Variants in VPS41 observed in about 807,000 individuals in gnomAD.
The protein encoded by VPS41 is vacuolar protein sorting-associated protein 41 homolog.
VPS41 carries 85 observed loss-of-function variants against 130.9 expected under a neutral mutation model. The ratio of observed to expected loss-of-function variants is 0.65; its 90% CI spans 0.55 to 0.78. The LOEUF is 0.78. VPS41 is among the 30% of genes least tolerant of loss of function. VPS41 has a pLI of 0.00. For missense variants in VPS41, 874 were observed against 1,018.7 expected, an observed-to-expected ratio of 0.86 and a Z score of 1.93; for synonymous variants, 335 against 332.9, an observed-to-expected ratio of 1.01 and a Z score of -0.07.
chr7:38,805,520 A>T (rs946683450), intron 7 of VPS41, among the ~76,000 whole-genome samples: 3 of 151,880 alleles, frequency 2.0e-5, no homozygotes, highest in African/African-American at 7.3e-5. Flanking sequence ...CAACAGAGTG[A>T]GAGTCTGTCT....
chr7:38,741,916 C>A (rs1272106318), intron 25 of VPS41, 69 bp downstream of exon 25: 11 of 1,559,700 alleles, frequency 7.1e-6, no homozygotes, highest in Admixed American at 3.8e-5. Flanking sequence ...TAACATAAAC[C>A]CTAGAAATAT....
chr7:38,745,220 T>G (rs1795963578), intron 23 of VPS41, among the ~76,000 whole-genome samples: 1 of 152,232 alleles, frequency 6.6e-6, no homozygotes, highest in African/African-American at 2.4e-5. Flanking sequence ...GATTATTTAT[T>G]TTCTACCAAT....
chr7:38,730,758 T>C (rs934831186), intron 25 of VPS41, among the ~76,000 whole-genome samples: 1 of 151,548 alleles, frequency 6.6e-6, no homozygotes, highest in African/African-American at 2.4e-5. Context: ...AACTTAAGAG[T>C]AATGGTTTCA....
At chr7:38,786,691 A>C (rs1784444549) in intron 10 of VPS41, among the ~76,000 whole-genome samples, 1 of 152,248 alleles carries the variant, frequency 6.6e-6, no homozygotes, top group Non-Finnish European at 1.5e-5. Flanking sequence ...ACAGAAATTT[A>C]TACTGAACTA....
chr7:38,803,519 G>C (rs903321302), intron 7 of VPS41, among the ~76,000 whole-genome samples: 5 of 152,200 alleles, frequency 3.3e-5, no homozygotes, highest in African/African-American at 9.6e-5. Context: ...TGCTACGTCA[G>C]GAAGGTGCAG....
chr7:38,774,629 T>TA (rs960299116), intron 11 of VPS41, among the ~76,000 whole-genome samples: 3 of 151,828 alleles, frequency 2.0e-5, no homozygotes, highest in Non-Finnish European at 4.4e-5. Context: ...AATAGCAAAA[T>TA]AAAAAAATAT....
chr7:38,817,878 A>C lies in VPS41; in HGVS notation c.389T>G (p.Ile130Ser). ...TCTCACGAAATGTGGGTGCACAGCAATAATCTACAAGAGAAACAGAACCCA... is the reference window on the plus strand; with the variant it reads ...TCTCACGAAATGTGGGTGCACAGCACTAATCTACAAGAGAAACAGAACCCA... ...HETFDCPIKI[I>S]AVHPHFVRSS... Residue 130 changes from isoleucine (I) to serine (S), a missense_variant, in exon 7 of 29, where the codon ATT becomes AGT. Ile to Ser is a moderately radical substitution (Grantham distance 142, BLOSUM62 -2). Coordinates refer to ENST00000310301, the MANE Select transcript of VPS41 (RefSeq NM_014396.4). 6.2e-7 allele frequency: 1 copy of C among 1,613,978 alleles called. No homozygotes were observed. Among genetic ancestry groups the C allele is most frequent in the Non-Finnish European group, 8.5e-7 (1 of 1,179,934 alleles).
chr7:38,882,419 G>A (rs150210492), intron 2 of VPS41, among the ~76,000 whole-genome samples: 129 of 152,234 alleles, frequency 8.5e-4, no homozygotes, highest in African/African-American at 3.0e-3. Flanking sequence ...CCAGGAATCA[G>A]GCCTCTTTAT....
Position 38,869,270 on chromosome 7 carries a change from GA to G in VPS41, c.61-18del. On this transcript the variant is annotated intron_variant, in intron 2 of 28. Transcript: ENST00000310301. Reference sequence around the variant, plus strand: ...CTCTTCTTCCTGCACAAACGGCAAAGAAAAATGACACCCGTCAGAGATTTAT... The same window carrying G: ...CTCTTCTTCCTGCACAAACGGCAAAGAAAATGACACCCGTCAGAGATTTAT... 3 of 1,561,122 alleles carry G rather than the reference GA, an allele frequency of 1.9e-6. No homozygotes were observed. Among genetic ancestry groups the G allele is most frequent in the Non-Finnish European group, 2.6e-6 (3 of 1,140,552 alleles).
chr7:38,771,327 T>C lies in VPS41; in HGVS notation c.1129-73A>G, dbSNP rs1002295031. 3.7e-6 allele frequency: 4 copies of C among 1,092,268 alleles called. No homozygotes were observed. The South Asian group carries it at 4.0e-5, about 11-fold the overall frequency. 67.7% of individuals were successfully genotyped at this position (1,092,268 alleles called of 1,614,324 possible). A position where few individuals can be genotyped will look rare whatever the true frequency, so the allele number is the denominator to read the frequency against. ...AGGAGGGAGGGAAAATGGGAGAAGG[T>C]GGGAGAGAAAGATATTGAGGTTATA... On this transcript the variant is annotated intron_variant, in intron 13 of 28. Coordinates refer to ENST00000310301, the MANE Select transcript of VPS41 (RefSeq NM_014396.4).
chr7:38,800,047 C>T (rs370622768), intron 7 of VPS41, among the ~76,000 whole-genome samples: 1 of 152,020 alleles, frequency 6.6e-6, no homozygotes, highest in East Asian at 1.9e-4. Flanking sequence ...AAAAATGACA[C>T]CAGGAAGTTG....
intron 2 of VPS41, among the ~76,000 whole-genome samples, chr7:38,879,580 A>G (rs967197552): frequency 4.0e-5 from 6 of 151,790 alleles, no homozygotes; most frequent in African/African-American, 7.3e-5. Flanking sequence ...GTGGAAGACA[A>G]TTTTTCCACC....
intron 2 of VPS41, among the ~76,000 whole-genome samples, chr7:38,876,156 A>G (rs572715128): frequency 6.6e-6 from 1 of 152,298 alleles, no homozygotes; most frequent in East Asian, 1.9e-4. Context: ...TAAACAATTT[A>G]CAATGCACAA....
At chr7:38,837,199 T>G (rs1785513157) in intron 4 of VPS41, among the ~76,000 whole-genome samples, 1 of 149,394 alleles carries the variant, frequency 6.7e-6, no homozygotes, top group African/African-American at 2.5e-5. Flanking sequence ...GACCAGACAT[T>G]AGGGTAGGCC....
At chr7:38,866,294 T>A (rs1053561545) in intron 3 of VPS41, among the ~76,000 whole-genome samples, 1 of 152,196 alleles carries the variant, frequency 6.6e-6, no homozygotes, top group Non-Finnish European at 1.5e-5. Context: ...AGTTTTAATA[T>A]CTGTATTTTC....
At chr7:38,838,009 T>C (rs1210422148) in intron 4 of VPS41, among the ~76,000 whole-genome samples, 1 of 152,196 alleles carries the variant, frequency 6.6e-6, no homozygotes, top group African/African-American at 2.4e-5. Flanking sequence ...TGCATATTTT[T>C]GAGTGATAAC....
At chr7:38,888,007 A>G (rs10239904) in intron 2 of VPS41, among the ~76,000 whole-genome samples, 134,985 of 152,246 alleles carry the variant, frequency 0.89, 59,922 homozygotes, top group East Asian at 1. Flanking sequence ...TCAGGCCTGC[A>G]TTACAAGAGC....
chr7:38,749,190 G>A (rs183152503), intron 22 of VPS41, among the ~76,000 whole-genome samples: 148 of 152,170 alleles, frequency 9.7e-4, no homozygotes, highest in Non-Finnish European at 1.7e-3. Flanking sequence ...CTTTTGATGT[G>A]ACGTCAGGAT....
At chr7:38,826,232 A>G (rs1490220910) in intron 5 of VPS41, among the ~76,000 whole-genome samples, 1 of 152,230 alleles carries the variant, frequency 6.6e-6, no homozygotes, top group Non-Finnish European at 1.5e-5. Flanking sequence ...ATTCTAAAAT[A>G]CCCAAAACAG....
Sources: gnomAD v4.1 joint callset for allele counts (sites outside exome capture counted in the v4.1 genomes callset) on GRCh38, gnomAD v4.1.1 for gene constraint, MANE v1.5 for transcripts, NCBI Gene and HGNC (gene_info 2026-07-23, HGNC 2026-07-21) for gene names.